The following LRP5 variants were observed in gnomAD, a reference collection of about 807,000 sequenced individuals.
The protein encoded by LRP5 is low-density lipoprotein receptor-related protein 5.
Under a neutral mutation model 154.1 loss-of-function variants are expected in LRP5, and 62 were observed. The observed-to-expected ratio is 0.40, with a 90% CI of 0.33 to 0.50. The LOEUF (loss-of-function observed/expected upper bound fraction) is 0.50, where lower values mean the gene tolerates loss of function less well. LRP5 is among the 20% of genes least tolerant of loss of function. The pLI is 0.55. For synonymous variants in LRP5, 966 were observed against 1,011.5 expected (o/e 0.96, Z 0.85); for missense variants, 1,915 against 2,336.7 (o/e 0.82, Z 3.72).
chr11:68,426,410 GACA>G (rs553972684), intron 16 of LRP5, among the ~76,000 whole-genome samples: 6 of 149,122 alleles, frequency 4.0e-5, no homozygotes, highest in Non-Finnish European at 7.4e-5. Flanking sequence ...AGCGTTTTAA[GACA>G]ACACCAACTC....
Position 68,448,779 on chromosome 11 carries a change from A to G in LRP5, c.4587-30A>G. ...CCACCAGGGCGGATGTGCCTACCGAATCCCACTCCTCTGTGTGTGTCCCTT... is the reference window on the plus strand; with the variant it reads ...CCACCAGGGCGGATGTGCCTACCGAGTCCCACTCCTCTGTGTGTGTCCCTT... On this transcript the variant is annotated intron_variant, in intron 22 of 22. Transcript: ENST00000294304. The G allele has an allele frequency of 2.5e-6, 4 of 1,600,842 alleles. No homozygotes were observed. In the African/African-American group the frequency reaches 5.3e-5, roughly 21 times the overall value.
intron 5 of LRP5, among the ~76,000 whole-genome samples, chr11:68,379,132 A>C (rs1394340066): frequency 2.6e-5 from 4 of 152,136 alleles, no homozygotes; most frequent in Non-Finnish European, 5.9e-5. Context: ...GTTGTGTCTG[A>C]GTGTTTTTCA....
intron 5 of LRP5, 93 bp downstream of exon 5, chr11:68,365,795 G>T (rs1171286199): frequency 2.0e-5 from 26 of 1,293,022 alleles, no homozygotes. Flanking sequence ...AGGAACCTCG[G>T]CAAACCCGTT....
chr11:68,368,156 A>G (rs1398315778), intron 5 of LRP5, among the ~76,000 whole-genome samples: 1 of 152,114 alleles, frequency 6.6e-6, no homozygotes, highest in African/African-American at 2.4e-5. Context: ...ATTCCAGAAA[A>G]TATCTGAGAA....
chr11:68,399,244 G>A (rs1239989473), intron 7 of LRP5, among the ~76,000 whole-genome samples: 6 of 151,998 alleles, frequency 3.9e-5, no homozygotes, highest in African/African-American at 1.2e-4. Flanking sequence ...GGTGGCTCAC[G>A]CCTGTGGTCC....
chr11:68,311,381 C>G (rs1400948126), upstream of LRP5, among the ~76,000 whole-genome samples: 1 of 152,182 alleles, frequency 6.6e-6, no homozygotes, highest in Non-Finnish European at 1.5e-5. Flanking sequence ...CCCAGCGCCT[C>G]CTCCGTGGAT....
chr11:68,399,215 T>A (rs1422494749), intron 7 of LRP5, among the ~76,000 whole-genome samples: 1 of 151,788 alleles, frequency 6.6e-6, no homozygotes, highest in Non-Finnish European at 1.5e-5. Context: ...AAAATATATA[T>A]TTAAAAAGTA....
chr11:68,356,297 C>T (rs181087669), intron 2 of LRP5, among the ~76,000 whole-genome samples: 18 of 152,092 alleles, frequency 1.2e-4, no homozygotes, highest in African/African-American at 3.9e-4. Context: ...AGTGTGCCAC[C>T]ATGCCCAGCT....
intron 4 of LRP5, among the ~76,000 whole-genome samples, chr11:68,364,158 G>A (rs1431088490): frequency 6.6e-6 from 1 of 151,886 alleles, no homozygotes; most frequent in African/African-American, 2.4e-5. Context: ...GGCTGGCTGG[G>A]GGACACGGGC....
At chr11:68,324,804 C>T (rs997908977) in intron 1 of LRP5, among the ~76,000 whole-genome samples, 3 of 152,212 alleles carry the variant, frequency 2.0e-5, no homozygotes, top group African/African-American at 4.8e-5. Flanking sequence ...ACTCAGCACA[C>T]CTTCACGGCC....
rs142508112 is a variant in LRP5, at chr11:68,449,013, G to C, written c.4791G>C (p.Glu1597Asp). 1.6e-4 allele frequency: 260 copies of C among 1,598,562 alleles called. No individual in the cohort carries two copies. Among genetic ancestry groups the C allele is most frequent in the Non-Finnish European group, 2.1e-4 (252 of 1,176,430 alleles). Residue 1597 changes from glutamate (E) to aspartate (D), a missense_variant, in exon 23 of 23, where the codon GAG becomes GAC. Physicochemically the swap from Glu to Asp is conservative, Grantham distance 45. Around this residue, in one of 3 missense-constraint regions of LRP5, gnomAD observed 1,094 missense variants for 1,210.1 expected, o/e 0.90. Transcript: ENST00000294304. ...GCTGCCCGCCCTCGCCCGCCACCGA[G>C]AGGAGCTACTTCCATCTCTTCCCGC... ...EDSCPPSPAT[E>D]RSYFHLFPPP...
At position 68,341,059 on chromosome 11, in the gene LRP5, C is replaced by CCTTTTTTTTTTTTTT. The variant is rs1555071026; in HGVS notation, c.92-6788_92-6787insCTTTTTTTTTTTTTT. 1.3e-3 allele frequency among the ~76,000 whole-genome samples: 112 copies of CCTTTTTTTTTTTTTT among 83,450 alleles called. 4 individuals are homozygous for CCTTTTTTTTTTTTTT. Among genetic ancestry groups the CCTTTTTTTTTTTTTT allele is most frequent in the Middle Eastern group, 8.3e-3 (1 of 120 alleles). The allele number at this position is 83,450 out of a possible 152,430, so 54.7% of individuals were successfully genotyped here. A position where few individuals can be genotyped will look rare whatever the true frequency, so the allele number is the denominator to read the frequency against. ...GTTACCCCTGCCGCTGGAGATTGTT[C>CCTTTTTTTTTTTTTT]TTTTTTTTTTTTTTTTTTTGCTATT... On this transcript the variant is annotated intron_variant, in intron 1 of 22. Coordinates refer to ENST00000294304, the MANE Select transcript of LRP5 (RefSeq NM_002335.4).
At chr11:68,436,323 T>C (rs111489476) in intron 18 of LRP5, among the ~76,000 whole-genome samples, 9,134 of 152,078 alleles carry the variant, frequency 0.06, 736 homozygotes, top group African/African-American at 0.18. Flanking sequence ...TGGCTCCCTC[T>C]GGGTGGGCGT....
At chr11:68,300,849 G>C in the LRP5 span, among the ~76,000 whole-genome samples, 1 of 149,456 alleles carries the variant, frequency 6.7e-6, no homozygotes, top group South Asian at 2.1e-4. Flanking sequence ...ATCACTTGTT[G>C]GCTGATATAT....
At chr11:68,309,500 TG>T (rs2098586407), upstream of LRP5, among the ~76,000 whole-genome samples, 1 of 152,046 alleles carries the variant, frequency 6.6e-6, no homozygotes, top group Non-Finnish European at 1.5e-5. Flanking sequence ...CCCAAAGTGC[TG>T]GGATTATAGG....
At chr11:68,406,840 G>A in intron 9 of LRP5, 27 bp downstream of exon 9, 1 of 1,611,288 alleles carries the variant, frequency 6.2e-7, no homozygotes, top group East Asian at 2.2e-5. Flanking sequence ...CGTGCACACA[G>A]GCAGCCTTTA....
Position 68,370,590 on chromosome 11 carries a change from G to A in LRP5, c.1015+4888G>A, listed in dbSNP as rs557118539. 2.1e-3 allele frequency among the ~76,000 whole-genome samples: 320 copies of A among 152,322 alleles called. 1 individual carries two copies. Among genetic ancestry groups the A allele is most frequent in the African/African-American group, 7.2e-3 (301 of 41,566 alleles). On this transcript the variant is annotated intron_variant, in intron 5 of 22. Coordinates refer to ENST00000294304, the MANE Select transcript of LRP5 (RefSeq NM_002335.4). ...TGGATAGCTTTTCCATTCCAGAGCC[G>A]TCAGGGCCGCAGGGCTGAGCACGCA...
intron 2 of LRP5, among the ~76,000 whole-genome samples, chr11:68,352,780 G>A (rs2098619860): frequency 6.6e-6 from 1 of 151,376 alleles, no homozygotes; most frequent in South Asian, 2.1e-4. Context: ...TCGGTGCTAG[G>A]TTGGGAGGTG....
At chr11:68,339,782 C>G (rs531594146) in intron 1 of LRP5, among the ~76,000 whole-genome samples, 1 of 152,310 alleles carries the variant, frequency 6.6e-6, no homozygotes, top group Non-Finnish European at 1.5e-5. Context: ...TTTGTGAACA[C>G]TGCTGTTAAC....
Sources: allele counts gnomAD v4.1 joint callset (sites outside exome capture counted in the v4.1 genomes callset), GRCh38; gene constraint gnomAD v4.1.1; regional missense constraint gnomAD v4.1.1; transcripts MANE v1.5; gene names NCBI Gene and HGNC (gene_info 2026-07-23, HGNC 2026-07-21).